Variants in AKAP6 observed in about 807,000 individuals in gnomAD.
The protein encoded by AKAP6 is A-kinase anchoring protein 6, also known as A-kinase anchor protein 6.
AKAP6 carries 58 observed loss-of-function variants against 188.5 expected under a neutral mutation model. The ratio of observed to expected loss-of-function variants is 0.31; its 90% confidence interval spans 0.25 to 0.38. AKAP6 has a LOEUF of 0.38. AKAP6 is among the 10% of genes least tolerant of loss of function. The pLI is 1.00. For missense variants in AKAP6, 2,710 were observed against 2,740.0 expected (o/e 0.99, Z 0.24); for synonymous variants, 989 against 998.6 (o/e 0.99, Z 0.18).
chr14:32,659,345 T>C (rs1294788296), intron 7 of AKAP6, among the ~76,000 whole-genome samples: 1 of 152,126 alleles, frequency 6.6e-6, no homozygotes, highest in Admixed American at 6.6e-5. Flanking sequence ...TCAGGGATGA[T>C]GTTAACATCC....
chr14:32,371,932 TTC>T (rs1226577314), intron 1 of AKAP6, among the ~76,000 whole-genome samples: 1 of 152,116 alleles, frequency 6.6e-6, no homozygotes, highest in Admixed American at 6.6e-5. Context: ...CTATTTCTCT[TTC>T]TCTCTCTACT....
Position 32,658,142 on chromosome 14 carries a change from G to T in AKAP6, c.2731-20169G>T, listed in dbSNP as rs1594819112. On this transcript the variant is annotated intron_variant, in intron 7 of 13. Coordinates refer to ENST00000280979, the MANE Select transcript of AKAP6 (RefSeq NM_004274.5). ...TGAGAAAGATAAGAAGAGGTTAGGA[G>T]GTAGATGGTCACATAGATAATGCTA... 2.0e-5 allele frequency among the ~76,000 whole-genome samples: 3 copies of T among 151,988 alleles called. No homozygotes were observed. In the South Asian group the frequency reaches 6.2e-4, roughly 32 times the overall value.
At chr14:32,688,747 CAAA>C (rs1334828835) in intron 8 of AKAP6, among the ~76,000 whole-genome samples, 2 of 152,104 alleles carry the variant, frequency 1.3e-5, no homozygotes, top group African/African-American at 4.8e-5. Context: ...GAAGTGATGT[CAAA>C]GCACAATTCA....
intron 1 of AKAP6, among the ~76,000 whole-genome samples, chr14:32,378,726 A>G (rs1453998013): frequency 6.6e-6 from 1 of 152,240 alleles, no homozygotes; most frequent in Admixed American, 6.5e-5. Context: ...TTTTTAGGAT[A>G]GTATTTTTTG....
In AKAP6 at chr14:32,546,816, T is replaced by C. The variant is rs1255366840; in HGVS notation, c.2163T>C (p.Leu721=). ...AATCTGGGCCCCTGAGTGACATTCT[T>C]TCTGATGAGGAGTCCAGTATGCCTC... ...SIESGPLSDI[L]SDEESSMPLA... is the part of the protein sequence containing the mutation. The change falls in exon 4 of 14, where the codon CTT becomes CTC. Residue 721 remains leucine (L), a synonymous_variant. Coordinates refer to ENST00000280979, the MANE Select transcript of AKAP6 (RefSeq NM_004274.5). 2.5e-6 allele frequency: 4 copies of C among 1,613,958 alleles called. No homozygotes were observed. In the African/African-American group the frequency reaches 5.3e-5, roughly 22 times the overall value.
In AKAP6 at chr14:32,797,925, G is replaced by GAAAA. The variant is rs57455449; in HGVS notation, c.3589-23465_3589-23462dup. ...AATTAAATTAAAATGCTTCTGCACA[G>GAAAA]AAAAAAAAAAAAAAACCATTAACAG... is the stretch of plus-strand genomic sequence containing the variant. On this transcript the variant is annotated intron_variant, in intron 12 of 13. Coordinates refer to ENST00000280979, the MANE Select transcript of AKAP6 (RefSeq NM_004274.5). Among the ~76,000 whole-genome samples the GAAAA allele has an allele frequency of 8.5e-4, 109 of 128,078 alleles. 1 individual carries two copies. Among genetic ancestry groups the GAAAA allele is most frequent in the East Asian group, 5.7e-3 (25 of 4,392 alleles). The allele number at this position is 128,078 out of a possible 152,430, so 84.0% of individuals were successfully genotyped here. A position where few individuals can be genotyped will look rare whatever the true frequency, so the allele number is the denominator to read the frequency against.
intron 1 of AKAP6, among the ~76,000 whole-genome samples, chr14:32,383,618 C>CA (rs1888439172): frequency 1.3e-5 from 2 of 152,112 alleles, no homozygotes; most frequent in Non-Finnish European, 2.9e-5. Flanking sequence ...ATGAGTAATT[C>CA]TGCATATCAA....
At chr14:32,534,559 G>T (rs528336434) in intron 2 of AKAP6, among the ~76,000 whole-genome samples, 1 of 152,306 alleles carries the variant, frequency 6.6e-6, no homozygotes, top group South Asian at 2.1e-4. Context: ...TAAAATGTCT[G>T]CATGAAACGA....
At chr14:32,709,122 G>T (rs537153179) in intron 9 of AKAP6, among the ~76,000 whole-genome samples, 2 of 151,950 alleles carry the variant, frequency 1.3e-5, no homozygotes. Context: ...GGCTCCATCC[G>T]TCCAAGTTTG....
intron 7 of AKAP6, among the ~76,000 whole-genome samples, chr14:32,623,913 G>A (rs937748847): frequency 6.6e-6 from 1 of 152,106 alleles, no homozygotes; most frequent in South Asian, 2.1e-4. Context: ...TGGAAGCATG[G>A]AAACCCTGGG....
intron 5 of AKAP6, among the ~76,000 whole-genome samples, chr14:32,590,924 T>C (rs1885460492): frequency 6.6e-6 from 1 of 152,184 alleles, no homozygotes; most frequent in African/African-American, 2.4e-5. Context: ...GTTCCCCCTC[T>C]CAAATGCATG....
chr14:32,698,031 A>G (rs1890474248), intron 9 of AKAP6, among the ~76,000 whole-genome samples: 1 of 152,146 alleles, frequency 6.6e-6, no homozygotes, highest in African/African-American at 2.4e-5. Context: ...CATTTGGCTT[A>G]TAAGCAAAAT....
intron 1 of AKAP6, among the ~76,000 whole-genome samples, chr14:32,344,361 G>A (rs1474877335): frequency 6.6e-6 from 1 of 151,094 alleles, no homozygotes; most frequent in East Asian, 1.9e-4. Context: ...ATTGTGCCAT[G>A]ATTGTGCAGA....
At chr14:32,632,794 C>A (rs1296278083) in intron 7 of AKAP6, among the ~76,000 whole-genome samples, 2 of 151,974 alleles carry the variant, frequency 1.3e-5, no homozygotes, top group Non-Finnish European at 2.9e-5. Flanking sequence ...TTAAAAAATT[C>A]CAAAGAAAGG....
chr14:32,516,026 CA>C (rs138466783), intron 2 of AKAP6, among the ~76,000 whole-genome samples: 2,675 of 152,248 alleles, frequency 0.018, 61 homozygotes, highest in African/African-American at 0.046. Flanking sequence ...AGAGAAGACC[CA>C]TCTTCATAAC....
chr14:32,789,315 A>G (rs907593868), intron 12 of AKAP6, among the ~76,000 whole-genome samples: 8 of 152,216 alleles, frequency 5.3e-5, no homozygotes, highest in Admixed American at 5.2e-4. Flanking sequence ...TGGAGAATAC[A>G]AACTGTCTGG....
At chr14:32,574,310 C>G (rs556919616) in intron 4 of AKAP6, among the ~76,000 whole-genome samples, 5 of 152,278 alleles carry the variant, frequency 3.3e-5, no homozygotes, top group Admixed American at 2.0e-4. Flanking sequence ...TGAGAGGACT[C>G]CTGTTTCCCC....
intron 12 of AKAP6, among the ~76,000 whole-genome samples, chr14:32,781,972 G>C (rs1241077164): frequency 6.6e-6 from 1 of 152,016 alleles, no homozygotes; most frequent in Admixed American, 6.6e-5. Flanking sequence ...AGACCAGCCT[G>C]GTCAACATGG....
At position 32,835,502 on chromosome 14, in the gene AKAP6, C is replaced by T. The variant is rs1325041024; in HGVS notation, c.*5697C>T. On this transcript the variant is annotated 3_prime_UTR_variant, in exon 14 of 14. Transcript: ENST00000280979. ...ATTGACACAAACTCACTTCCATGCA[C>T]CAGTAAACTGGAATCCTTTCTTTAA... 1 of 152,140 alleles carries T rather than the reference C, an allele frequency of 6.6e-6. No homozygotes were observed. The highest frequency in any genetic ancestry group is 1.5e-5 in the Non-Finnish European group (1 of 68,028). The allele number at this position is 152,140 out of a possible 1,614,324, so 9.4% of individuals were successfully genotyped here.
Sources: gnomAD v4.1 joint callset for allele counts (sites outside exome capture counted in the v4.1 genomes callset) on GRCh38, gnomAD v4.1.1 for gene constraint, MANE v1.5 for transcripts, NCBI Gene and HGNC (gene_info 2026-07-23, HGNC 2026-07-21) for gene names.